CLVS2: variants seen among roughly 807,000 people sequenced by gnomAD.
The protein encoded by CLVS2 is clavesin-2.
In CLVS2, 19 loss-of-function variants were observed where a neutral mutation model predicts 29.0. The observed-to-expected ratio is 0.66, with a 90% CI of 0.46 to 0.96. The LOEUF (loss-of-function observed/expected upper bound fraction) is 0.96, where lower values mean the gene tolerates loss of function less well. Ranked by LOEUF, CLVS2 falls within the 40% of genes least tolerant of loss-of-function variation. CLVS2 has a pLI of 0.00. For missense variants in CLVS2, 294 were observed against 404.1 expected (o/e 0.73, Z 2.34); for synonymous variants, 161 against 151.3 (o/e 1.06, Z -0.47).
chr6:123,003,203 C>T (rs550496605), intron 2 of CLVS2, among the ~76,000 whole-genome samples: 6 of 152,186 alleles, frequency 3.9e-5, no homozygotes, highest in African/African-American at 1.4e-4. Flanking sequence ...TTCAGTAGGA[C>T]GTTGACTAAG....
intron 3 of CLVS2, among the ~76,000 whole-genome samples, chr6:123,039,188 T>A (rs1775195494): frequency 6.6e-6 from 1 of 152,194 alleles, no homozygotes; most frequent in Non-Finnish European, 1.5e-5. Context: ...ACCTCCCTTT[T>A]GGCAATTTTA....
intron 4 of CLVS2, among the ~76,000 whole-genome samples, chr6:123,053,652 C>A (rs538547189): frequency 6.6e-6 from 1 of 152,060 alleles, no homozygotes; most frequent in African/African-American, 2.4e-5. Context: ...TAGACAATTC[C>A]TTGGGTGAAT....
chr6:123,045,557 T>C (rs1772479379), intron 3 of CLVS2, among the ~76,000 whole-genome samples: 1 of 152,100 alleles, frequency 6.6e-6, no homozygotes, highest in African/African-American at 2.4e-5. Flanking sequence ...GACTGCTGCC[T>C]CCCTTTGGTC....
chr6:123,042,127 G>A (rs925457320), intron 3 of CLVS2, among the ~76,000 whole-genome samples: 4 of 152,048 alleles, frequency 2.6e-5, no homozygotes, highest in South Asian at 2.1e-4. Context: ...TGTGATTCAT[G>A]TGCATTTCAT....
chr6:123,001,378 T>C (rs1774587263), intron 2 of CLVS2, among the ~76,000 whole-genome samples: 1 of 152,158 alleles, frequency 6.6e-6, no homozygotes, highest in African/African-American at 2.4e-5. Flanking sequence ...ATATTTACAG[T>C]GTACCCACCT....
At chr6:123,003,199 A>G (rs1408012096) in intron 2 of CLVS2, among the ~76,000 whole-genome samples, 1 of 152,238 alleles carries the variant, frequency 6.6e-6, no homozygotes, top group Non-Finnish European at 1.5e-5. Context: ...AACCTTCAGT[A>G]GGACGTTGAC....
At chr6:123,027,375 C>A (rs1051958021) in intron 3 of CLVS2, among the ~76,000 whole-genome samples, 4 of 152,096 alleles carry the variant, frequency 2.6e-5, no homozygotes, top group Admixed American at 1.3e-4. Flanking sequence ...CGTAGCAAAC[C>A]AGCCCAGAGA....
intron 3 of CLVS2, among the ~76,000 whole-genome samples, chr6:123,012,768 T>C (rs1053106248): frequency 6.6e-6 from 1 of 151,942 alleles, no homozygotes; most frequent in Non-Finnish European, 1.5e-5. Flanking sequence ...GGCTGCACAT[T>C]TGGAGCTGCC....
In CLVS2 at chr6:123,018,391, T is replaced by C. The variant is rs921725575; in HGVS notation, c.564+7232T>C. ...GAACACTAGGACTCAATGGCATCGGTTTTTTCTGTAGATACTGATGAAATT... is the reference window on the plus strand; with the variant it reads ...GAACACTAGGACTCAATGGCATCGGCTTTTTCTGTAGATACTGATGAAATT... On this transcript the variant is annotated intron_variant, in intron 3 of 5. Transcript: ENST00000275162. 2.0e-5 allele frequency among the ~76,000 whole-genome samples: 3 copies of C among 151,960 alleles called. No individual in the cohort carries two copies. In the South Asian group the frequency reaches 6.5e-4, roughly 33 times the overall value.
chr6:123,019,019 G>A (rs867441822), intron 3 of CLVS2, among the ~76,000 whole-genome samples: 6 of 151,950 alleles, frequency 3.9e-5, no homozygotes, highest in Non-Finnish European at 8.8e-5. Context: ...ACCTTCTTGC[G>A]CTGCTGTCTT....
chr6:123,021,168 A>G (rs1209389400), intron 3 of CLVS2, among the ~76,000 whole-genome samples: 1 of 151,698 alleles, frequency 6.6e-6, no homozygotes, highest in Admixed American at 6.6e-5. Context: ...TTTTTTTCTT[A>G]GTACTCTGAA....
At chr6:123,004,891 C>T (rs1022147931) in intron 2 of CLVS2, among the ~76,000 whole-genome samples, 1 of 151,004 alleles carries the variant, frequency 6.6e-6, no homozygotes, top group Non-Finnish European at 1.5e-5. Flanking sequence ...CCAGCCTGGG[C>T]GACAAGAGCA....
At chr6:123,051,129 T>G (rs1335270948) in intron 4 of CLVS2, among the ~76,000 whole-genome samples, 1 of 147,562 alleles carries the variant, frequency 6.8e-6, no homozygotes, top group African/African-American at 2.7e-5. Flanking sequence ...ACAATATTAC[T>G]CACACACCTT....
intron 2 of CLVS2, among the ~76,000 whole-genome samples, 156 bp from the exon 3 acceptor site, chr6:123,010,829 A>C (rs142004662): frequency 3.0e-4 from 46 of 152,226 alleles, no homozygotes; most frequent in Middle Eastern, 6.8e-3. Context: ...GTACATATAA[A>C]TTAAACCTCT....
rs185923992 is a variant in CLVS2 at position 123,030,982 on chromosome 6, G to A, written c.565-17640G>A. Among the ~76,000 whole-genome samples, 167 of 151,530 alleles carry A rather than the reference G, an allele frequency of 1.1e-3. 1 individual carries two copies. Among genetic ancestry groups the A allele is most frequent in the Middle Eastern group, 3.5e-3 (1 of 284 alleles). On this transcript the variant is annotated intron_variant, in intron 3 of 5. Coordinates refer to ENST00000275162, the MANE Select transcript of CLVS2 (RefSeq NM_001010852.4). The stretch of plus-strand genomic sequence containing the variant: ...GGGTTTCACTCTGTTGCCCAGGCTG[G>A]AGTGCAGTGGCACAATCATGGCTCT...
rs1276440511 is a variant in CLVS2, at chr6:122,996,691, C to CT, written c.-614dup. 1 of 167,410 alleles carries CT rather than the reference C, an allele frequency of 6.0e-6. No individual in the cohort carries two copies. The highest frequency in any genetic ancestry group is 1.4e-5 in the Non-Finnish European group (1 of 70,068). 10.4% of individuals were successfully genotyped at this position (167,410 alleles called of 1,614,324 possible). A position where few individuals can be genotyped will look rare whatever the true frequency, so the allele number is the denominator to read the frequency against. On this transcript the variant is annotated 5_prime_UTR_variant, in exon 1 of 6. The change abolishes the stop of an existing upstream ORF in the 5' untranslated region. Coordinates refer to ENST00000275162, the MANE Select transcript of CLVS2 (RefSeq NM_001010852.4). ...GCCGCCGCCGCTGCTGAAGCCGCGGCTGATGGATGCCAGGGAGTGCCGCAT... is the reference window on the plus strand; with the variant it reads ...GCCGCCGCCGCTGCTGAAGCCGCGGCTTGATGGATGCCAGGGAGTGCCGCAT...
chr6:123,054,926 T>C (rs532380344), intron 4 of CLVS2, among the ~76,000 whole-genome samples: 1 of 151,966 alleles, frequency 6.6e-6, no homozygotes, highest in African/African-American at 2.4e-5. Flanking sequence ...CCATTGCTAC[T>C]GAGGGTTAAA....
chr6:123,029,975 G>A (rs1284313030), intron 3 of CLVS2, among the ~76,000 whole-genome samples: 2 of 152,174 alleles, frequency 1.3e-5, no homozygotes, highest in African/African-American at 4.8e-5. Flanking sequence ...TAGACCTGAA[G>A]ATGCATCACC....
chr6:123,001,572 C>T (rs143976792), intron 2 of CLVS2, among the ~76,000 whole-genome samples: 46 of 152,278 alleles, frequency 3.0e-4, no homozygotes, highest in African/African-American at 1.1e-3. Flanking sequence ...TTTCTGACAA[C>T]AAAAGTAAAT....
Sources: allele counts gnomAD v4.1 joint callset (sites outside exome capture counted in the v4.1 genomes callset), GRCh38; gene constraint gnomAD v4.1.1; transcripts MANE v1.5; gene names NCBI Gene and HGNC (gene_info 2026-07-23, HGNC 2026-07-21).